ARHGEF28: variants seen among roughly 807,000 people sequenced by gnomAD.
The protein encoded by ARHGEF28 is 190 kDa guanine nucleotide exchange factor.
ARHGEF28 carries 152 observed loss-of-function variants against 206.6 expected under a neutral mutation model. The ratio of observed to expected loss-of-function variants is 0.74; its 90% CI spans 0.64 to 0.84. The LOEUF (loss-of-function observed/expected upper bound fraction) is 0.84, where lower values mean the gene tolerates loss of function less well. Ranked by LOEUF, ARHGEF28 falls within the 40% of genes least tolerant of loss-of-function variation. ARHGEF28 has a pLI of 0.00. For synonymous variants in ARHGEF28, 763 were observed against 776.4 expected (o/e 0.98, Z 0.29); for missense variants, 2,028 against 2,073.2 (o/e 0.98, Z 0.42).
At chr5:73,909,138 C>T in intron 33 of ARHGEF28, 1 of 314,654 alleles carries the variant, frequency 3.2e-6, no homozygotes, top group Non-Finnish European at 5.8e-6. Flanking sequence ...CCACCAGCAG[C>T]AAACTACCTT....
chr5:73,885,022 A>G (rs938251765), intron 24 of ARHGEF28, among the ~76,000 whole-genome samples: 53 of 151,526 alleles, frequency 3.5e-4, no homozygotes, highest in African/African-American at 1.2e-3. Context: ...TTAATTTTAA[A>G]TAAAATGGTC....
chr5:73,918,825 G>A (rs58954695), intron 35 of ARHGEF28, among the ~76,000 whole-genome samples: 2,593 of 152,210 alleles, frequency 0.017, 52 homozygotes, highest in South Asian at 0.054. Context: ...ATCAGAGTTT[G>A]CTGTGGTGAA....
chr5:73,820,847 G>A (rs1217285884), intron 9 of ARHGEF28, among the ~76,000 whole-genome samples: 1 of 152,080 alleles, frequency 6.6e-6, no homozygotes, highest in African/African-American at 2.4e-5. Context: ...GCTGAGCCTG[G>A]CCCTGCTGCT....
intron 2 of ARHGEF28, among the ~76,000 whole-genome samples, chr5:73,740,176 CAAA>C (rs550677123): frequency 1.7e-4 from 15 of 85,976 alleles, no homozygotes; most frequent in Admixed American, 2.7e-4. Flanking sequence ...GAACCTATCT[CAAA>C]AAAAAAAAAA....
Position 73,767,512 on chromosome 5 carries a change from C to G in ARHGEF28, c.476-6343C>G, listed in dbSNP as rs531900212. On this transcript the variant is annotated intron_variant, in intron 4 of 35. Coordinates refer to ENST00000513042, the MANE Select transcript of ARHGEF28 (RefSeq NM_001177693.2). ...AACTGGAGCGAAGGTTACGTTTTAGCAAAGAGACTGACAGCATTTTGCTCC... is the reference window on the plus strand; with the variant it reads ...AACTGGAGCGAAGGTTACGTTTTAGGAAAGAGACTGACAGCATTTTGCTCC... Among the ~76,000 whole-genome samples, 21 of 152,158 alleles carry G rather than the reference C, an allele frequency of 1.4e-4. No individual in the cohort carries two copies. In the South Asian group the frequency reaches 4.4e-3, roughly 32 times the overall value.
intron 7 of ARHGEF28, among the ~76,000 whole-genome samples, chr5:73,781,020 C>G (rs945825752): frequency 6.6e-6 from 1 of 151,492 alleles, no homozygotes; most frequent in African/African-American, 2.4e-5. Context: ...AGGATGCTCT[C>G]TTGACATTCT....
rs1561417894 is a variant in ARHGEF28 at position 73,806,778 on chromosome 5, C to CGTATACATCTATATGTAT, written c.1024+11387_1024+11388insGTATACATCTATATGTAT. 3.1e-4 allele frequency among the ~76,000 whole-genome samples: 43 copies of CGTATACATCTATATGTAT among 137,840 alleles called. 4 individuals carry two copies. Among genetic ancestry groups the CGTATACATCTATATGTAT allele is most frequent in the African/African-American group, 1.1e-3 (39 of 36,542 alleles). 90.4% of individuals were successfully genotyped at this position (137,840 alleles called of 152,430 possible). A position where few individuals can be genotyped will look rare whatever the true frequency, so the allele number is the denominator to read the frequency against. On this transcript the variant is annotated intron_variant, in intron 9 of 35. Transcript: ENST00000513042. ...GATATATCGTATACATCTATATGTG[C>CGTATACATCTATATGTAT]CATATATATGATATATCGTATACAT...
chr5:73,904,369 C>A lies in ARHGEF28; in HGVS notation c.4125C>A (p.Ala1375=). The change falls in exon 33 of 36, where the codon GCC becomes GCA. Residue 1375 remains alanine (A), a synonymous_variant. Transcript: ENST00000513042. ...ATTTTGTTTTTCAGATTATACAAGC[C>A]ATACAGAATTTAACCCGTCTCTTAT... is the stretch of plus-strand genomic sequence containing the variant. ...PGSSQSEIIQ[A]IQNLTRLLYS... is the part of the protein sequence containing the mutation. 1.2e-6 allele frequency: 2 copies of A among 1,613,106 alleles called. No individual in the cohort carries two copies. The highest frequency in any genetic ancestry group is 4.5e-5 in the East Asian group (2 of 44,866).
intron 2 of ARHGEF28, among the ~76,000 whole-genome samples, chr5:73,700,991 T>G (rs1380999833): frequency 1.3e-5 from 2 of 152,250 alleles, no homozygotes; most frequent in Admixed American, 6.5e-5. Flanking sequence ...TGCAGTTCTC[T>G]GTTTTTATTT....
chr5:73,886,183 A>G (rs1761282071), intron 25 of ARHGEF28, 79 bp downstream of exon 25: 2 of 1,504,786 alleles, frequency 1.3e-6, no homozygotes, highest in African/African-American at 2.8e-5. Context: ...CAAAAGAAAA[A>G]CAGTTCAGAA....
At chr5:73,812,533 C>T (rs1008395690) in intron 9 of ARHGEF28, among the ~76,000 whole-genome samples, 1 of 152,114 alleles carries the variant, frequency 6.6e-6, no homozygotes, top group Non-Finnish European at 1.5e-5. Context: ...CTGCAGATCT[C>T]GGCTGTTGTG....
chr5:73,757,847 T>G (rs922417133), intron 4 of ARHGEF28, among the ~76,000 whole-genome samples: 15 of 152,332 alleles, frequency 9.8e-5, no homozygotes, highest in Middle Eastern at 3.4e-3. Context: ...ATATAATTAT[T>G]CAACAGAATC....
intron 10 of ARHGEF28, among the ~76,000 whole-genome samples, chr5:73,838,506 T>C (rs1255478834): frequency 6.6e-6 from 1 of 152,214 alleles, no homozygotes; most frequent in Non-Finnish European, 1.5e-5. Flanking sequence ...TGAAAATTTC[T>C]GTCATATAAA....
chr5:73,834,795 A>C (rs1394618427), intron 10 of ARHGEF28, among the ~76,000 whole-genome samples: 1 of 152,192 alleles, frequency 6.6e-6, no homozygotes. Flanking sequence ...AATAGGCTAT[A>C]CCATATAGCC....
At chr5:73,779,438 A>G (rs1238113653) in intron 6 of ARHGEF28, among the ~76,000 whole-genome samples, 2 of 152,164 alleles carry the variant, frequency 1.3e-5, no homozygotes, top group African/African-American at 4.8e-5. Context: ...AATATATTCT[A>G]TTTTCAAGAG....
At chr5:73,760,195 G>T (rs1433586713) in intron 4 of ARHGEF28, among the ~76,000 whole-genome samples, 1 of 152,120 alleles carries the variant, frequency 6.6e-6, no homozygotes, top group Non-Finnish European at 1.5e-5. Context: ...CTGCCATAAA[G>T]CTCTGTACTG....
chr5:73,635,957 T>C (rs566010152), intron 1 of ARHGEF28, among the ~76,000 whole-genome samples: 29 of 152,208 alleles, frequency 1.9e-4, no homozygotes, highest in East Asian at 3.8e-4. Flanking sequence ...TCCTGACATA[T>C]GTAACTGTTA....
At chr5:73,847,898 G>A (rs754693762) in intron 12 of ARHGEF28, among the ~76,000 whole-genome samples, 3 of 152,146 alleles carry the variant, frequency 2.0e-5, no homozygotes, top group Non-Finnish European at 4.4e-5. Context: ...AATAAGATAG[G>A]AGCCAAAGCC....
At chr5:73,822,207 A>G (rs1358236680) in intron 9 of ARHGEF28, among the ~76,000 whole-genome samples, 1 of 152,154 alleles carries the variant, frequency 6.6e-6, no homozygotes, top group East Asian at 1.9e-4. Context: ...TCTCACTCCC[A>G]GCACCTCTGG....
Sources: allele counts gnomAD v4.1 joint callset (sites outside exome capture counted in the v4.1 genomes callset), GRCh38; gene constraint gnomAD v4.1.1; transcripts MANE v1.5; gene names NCBI Gene and HGNC (gene_info 2026-07-23, HGNC 2026-07-21).